Variants in TMCC1 observed in about 807,000 individuals in gnomAD.
TMCC1 encodes the protein transmembrane and coiled-coil domain family 1.
Under a neutral mutation model 52.4 loss-of-function variants are expected in TMCC1, and 15 were observed. The observed-to-expected ratio is 0.29, with a 90% CI of 0.19 to 0.44. The LOEUF is 0.44. Among genes scored for constraint, TMCC1 ranks in the 20% least tolerant of loss-of-function variants. The probability of loss-of-function intolerance (pLI) is 1.00; values close to 1 mark genes in which losing one functional copy is unlikely to be tolerated. For synonymous variants in TMCC1, 279 were observed against 301.9 expected (o/e 0.92, Z 0.79); for missense variants, 503 against 806.0 (o/e 0.62, Z 4.55).
At chr3:129,654,112 G>A (rs929505507) in intron 6 of TMCC1, among the ~76,000 whole-genome samples, 15 of 152,100 alleles carry the variant, frequency 9.9e-5, no homozygotes, top group Admixed American at 7.9e-4. Flanking sequence ...GTATTCAAGG[G>A]ATAGAACCTA....
intron 4 of TMCC1, among the ~76,000 whole-genome samples, chr3:129,775,645 T>C (rs191221624): frequency 1.3e-5 from 2 of 152,212 alleles, no homozygotes; most frequent in East Asian, 3.9e-4. Context: ...ACATGAAATA[T>C]CTAAGAAAAG....
At chr3:129,808,634 G>C (rs1010211435) in intron 4 of TMCC1, among the ~76,000 whole-genome samples, 1 of 151,242 alleles carries the variant, frequency 6.6e-6, no homozygotes, top group Non-Finnish European at 1.5e-5. Context: ...GTATAAAAAG[G>C]GAAGTGTAAT....
intron 4 of TMCC1, among the ~76,000 whole-genome samples, chr3:129,759,337 G>A (rs142344957): frequency 0.011 from 1,619 of 148,822 alleles, 13 homozygotes; most frequent in Non-Finnish European, 0.017. Context: ...GCACAATCTC[G>A]GCTCACTGCA....
intron 2 of TMCC1, among the ~76,000 whole-genome samples, chr3:129,852,682 G>C (rs1037400485): frequency 1.3e-5 from 2 of 152,134 alleles, no homozygotes; most frequent in Admixed American, 1.3e-4. Context: ...AAATGGTTGA[G>C]ATGGTAAATT....
chr3:129,817,489 T>C (rs1484793791), intron 4 of TMCC1, among the ~76,000 whole-genome samples: 1 of 152,152 alleles, frequency 6.6e-6, no homozygotes, highest in Non-Finnish European at 1.5e-5. Flanking sequence ...ATCATGAAAT[T>C]ACCAAATCAA....
chr3:129,661,588 C>A (rs1245541968), intron 5 of TMCC1, among the ~76,000 whole-genome samples: 1 of 152,002 alleles, frequency 6.6e-6, no homozygotes, highest in Non-Finnish European at 1.5e-5. Context: ...TTGCTTGACC[C>A]CAGGAGTTTC....
At position 129,828,466 on chromosome 3, in the gene TMCC1, A is replaced by C; in HGVS notation, c.-88T>G. 2 of 1,282,830 alleles carry C rather than the reference A, an allele frequency of 1.6e-6. No individual in the cohort carries two copies. Among genetic ancestry groups the C allele is most frequent in the Non-Finnish European group, 2.2e-6 (2 of 912,976 alleles). The allele number at this position is 1,282,830 out of a possible 1,614,324, so 79.5% of individuals were successfully genotyped here. A position where few individuals can be genotyped will look rare whatever the true frequency, so the allele number is the denominator to read the frequency against. The stretch of plus-strand genomic sequence containing the variant: ...AAATTAGGTAGGCATTTGCTTCAAC[A>C]GTGACTACGCATGCAGCTGTGAGAC... On this transcript the variant is annotated 5_prime_UTR_variant, in exon 4 of 7. Transcript: ENST00000393238. The surrounding 1 kb of genome is among the most constrained non-coding windows in gnomAD (Gnocchi z 4.1).
chr3:129,883,421 C>T (rs777168774), intron 1 of TMCC1, among the ~76,000 whole-genome samples: 3 of 151,982 alleles, frequency 2.0e-5, no homozygotes, highest in Non-Finnish European at 2.9e-5. Flanking sequence ...GAGATCAGTC[C>T]GGGCAACATG....
Position 129,761,174 on chromosome 3 carries a change from G to GAAGGA in TMCC1, c.576+66628_576+66629insTCCTT, listed in dbSNP as rs541904471. ...CCCCGTCTCTACTAAAAATACAAAA[G>GAAGGA]AAAATTGGCCGGGCGTAGTGGCAGG... On this transcript the variant is annotated intron_variant, in intron 4 of 6. Coordinates refer to ENST00000393238, the MANE Select transcript of TMCC1 (RefSeq NM_001017395.5). Among the ~76,000 whole-genome samples, 1,020 of 142,884 alleles carry GAAGGA rather than the reference G, an allele frequency of 7.1e-3. 12 individuals carry two copies. Among genetic ancestry groups the GAAGGA allele is most frequent in the Middle Eastern group, 0.018 (5 of 284 alleles). The allele number at this position is 142,884 out of a possible 152,430, so 93.7% of individuals were successfully genotyped here.
intron 2 of TMCC1, among the ~76,000 whole-genome samples, chr3:129,861,782 CAGTT>C (rs973393616): frequency 1.3e-5 from 2 of 152,290 alleles, no homozygotes. Context: ...ATGGCCCAAG[CAGTT>C]TGTTTTTGGA....
chr3:129,716,016 C>T lies in TMCC1; in HGVS notation c.577-44752G>A, dbSNP rs552095611. ...CAATTATAACCTGCTACCTCCCCTT[C>T]ACCAGACATGTGCTTAGAAGCTCCA... On this transcript the variant is annotated intron_variant, in intron 4 of 6. Coordinates refer to ENST00000393238, the MANE Select transcript of TMCC1 (RefSeq NM_001017395.5). Among the ~76,000 whole-genome samples, 13 of 152,294 alleles carry T rather than the reference C, an allele frequency of 8.5e-5. No homozygotes were observed. The South Asian group carries it at 2.5e-3, about 29-fold the overall frequency.
chr3:129,813,506 C>T (rs191075203), intron 4 of TMCC1, among the ~76,000 whole-genome samples: 12 of 151,976 alleles, frequency 7.9e-5, no homozygotes, highest in Admixed American at 7.2e-4. Context: ...CATGTCCTTA[C>T]GGAGCTGGAG....
At chr3:129,726,893 A>AAAAAAAAAAAAAAAAAAAAAAAAAAAAC (rs1560278979) in intron 4 of TMCC1, among the ~76,000 whole-genome samples, 1 of 144,356 alleles carries the variant, frequency 6.9e-6, no homozygotes, top group African/African-American at 2.5e-5. Flanking sequence ...AAAAAAAAAA[A>AAAAAAAAAAAAAAAAAAAAAAAAAAAAC]AAAAAGAACC....
At chr3:129,884,024 G>T (rs187674007) in intron 1 of TMCC1, among the ~76,000 whole-genome samples, 49 of 152,172 alleles carry the variant, frequency 3.2e-4, no homozygotes, top group African/African-American at 1.2e-3. Context: ...GCATCATAAA[G>T]AAACGTCAAC....
intron 4 of TMCC1, among the ~76,000 whole-genome samples, chr3:129,720,713 T>G (rs1022413871): frequency 1.3e-5 from 2 of 152,102 alleles, no homozygotes; most frequent in Non-Finnish European, 1.5e-5. Context: ...TATTATTTTT[T>G]TAAGACAGTC....
intron 4 of TMCC1, among the ~76,000 whole-genome samples, chr3:129,774,386 A>G (rs896359430): frequency 6.6e-6 from 1 of 152,234 alleles, no homozygotes; most frequent in Admixed American, 6.5e-5. Context: ...TGCTATGAAT[A>G]TTCTATTAAT....
At chr3:129,706,064 C>T (rs374258680) in intron 4 of TMCC1, among the ~76,000 whole-genome samples, 164 of 141,788 alleles carry the variant, frequency 1.2e-3, no homozygotes, top group African/African-American at 3.8e-3. Flanking sequence ...CTAATTTTTG[C>T]ATTTTTAGTA....
chr3:129,822,749 G>A (rs1255931893), intron 4 of TMCC1, among the ~76,000 whole-genome samples: 1 of 152,132 alleles, frequency 6.6e-6, no homozygotes, highest in Non-Finnish European at 1.5e-5. Flanking sequence ...CTTCAGGCAG[G>A]TTTTTAACAT....
chr3:129,734,906 T>A lies in TMCC1; in HGVS notation c.577-63642A>T, dbSNP rs1048426711. Reference sequence around the variant, plus strand: ...ATCTCTTTATTTTTCTGTTCGAAATTTTTTTTTTTTTTTTGAGATGGAGTC... The same window carrying A: ...ATCTCTTTATTTTTCTGTTCGAAATATTTTTTTTTTTTTTGAGATGGAGTC... On this transcript the variant is annotated intron_variant, in intron 4 of 6. Coordinates refer to ENST00000393238, the MANE Select transcript of TMCC1 (RefSeq NM_001017395.5). Among the ~76,000 whole-genome samples the A allele has an allele frequency of 2.7e-5, 4 of 147,040 alleles. No individual in the cohort carries two copies. The South Asian group carries it at 6.4e-4, about 23-fold the overall frequency.
Sources: allele counts gnomAD v4.1 joint callset (sites outside exome capture counted in the v4.1 genomes callset), GRCh38; gene constraint gnomAD v4.1.1; non-coding constraint Gnocchi (gnomAD v3.1); transcripts MANE v1.5; gene names NCBI Gene and HGNC (gene_info 2026-07-23, HGNC 2026-07-21).